The following TMEM44 variants were observed in gnomAD, a reference collection of about 807,000 sequenced individuals.
The protein encoded by TMEM44 is transmembrane protein 44.
TMEM44 carries 43 observed loss-of-function variants against 47.8 expected under a neutral mutation model. The ratio of observed to expected loss-of-function variants is 0.90; its 90% CI spans 0.70 to 1.16. The LOEUF is 1.16. Ranked by LOEUF, TMEM44 falls within the 50% of genes most tolerant of loss-of-function variation. TMEM44 has a pLI of 0.00. For synonymous variants in TMEM44, 277 were observed against 238.8 expected, an observed-to-expected ratio of 1.16 and a Z score of -1.48; for missense variants, 568 against 555.2, an observed-to-expected ratio of 1.02 and a Z score of -0.23.
chr3:194,593,354 G>A (rs147215524), intron 9 of TMEM44, among the ~76,000 whole-genome samples: 1 of 152,258 alleles, frequency 6.6e-6, no homozygotes, highest in African/African-American at 2.4e-5. Context: ...ATTACTATTA[G>A]TAGAAATTAT....
intron 9 of TMEM44, among the ~76,000 whole-genome samples, chr3:194,600,221 A>G (rs774491335): frequency 1.3e-5 from 2 of 152,166 alleles, no homozygotes; most frequent in African/African-American, 2.4e-5. Context: ...TCTCCCAAGT[A>G]GCTGGGACTA....
At chr3:194,600,089 ATTT>A (rs1713903095) in intron 9 of TMEM44, among the ~76,000 whole-genome samples, 1 of 149,906 alleles carries the variant, frequency 6.7e-6, no homozygotes, top group Admixed American at 6.7e-5. Context: ...CAAAACATTT[ATTT>A]TTGTTTTGTT....
chr3:194,594,137 A>ATCTGTCTGTCTGTCTGTCTGTCTGTCTG lies in TMEM44; in HGVS notation c.1177-5499_1177-5498insCAGACAGACAGACAGACAGACAGACAGA, dbSNP rs1157567717. On this transcript the variant is annotated intron_variant, in intron 9 of 9. Transcript: ENST00000347147. ...TAATTTTCTATCTATCTATCTATCTATCTATCTATCTATCTATCTATCTAT... is the reference window on the plus strand; with the variant it reads ...TAATTTTCTATCTATCTATCTATCTATCTGTCTGTCTGTCTGTCTGTCTGTCTGTCTATCTATCTATCTATCTATCTAT... 9.6e-5 allele frequency among the ~76,000 whole-genome samples: 14 copies of ATCTGTCTGTCTGTCTGTCTGTCTGTCTG among 145,852 alleles called. No homozygotes were observed. The East Asian group carries it at 1.2e-3, about 12-fold the overall frequency.
intron 9 of TMEM44, among the ~76,000 whole-genome samples, chr3:194,600,177 C>T (rs914763721): frequency 3.9e-5 from 6 of 152,204 alleles, no homozygotes; most frequent in Admixed American, 6.5e-5. Context: ...CTGCAACCTC[C>T]GCCTTCCGGG....
intron 5 of TMEM44, among the ~76,000 whole-genome samples, chr3:194,620,289 CAAAAA>C (rs752649203): frequency 1.8e-5 from 1 of 55,020 alleles, no homozygotes; most frequent in Admixed American, 2.0e-4. Context: ...AACTCCGACT[CAAAAA>C]AAAAAAAAAA....
intron 9 of TMEM44, among the ~76,000 whole-genome samples, chr3:194,595,179 C>A (rs914675290): frequency 6.6e-6 from 1 of 152,088 alleles, no homozygotes; most frequent in Non-Finnish European, 1.5e-5. Context: ...ATAATAAAAG[C>A]AAATGGCTTT....
At chr3:194,626,827 G>T (rs1035179956) in intron 2 of TMEM44, among the ~76,000 whole-genome samples, 1 of 151,858 alleles carries the variant, frequency 6.6e-6, no homozygotes, top group Non-Finnish European at 1.5e-5. Context: ...GGGACTTCAG[G>T]CGCCTGCCAC....
rs373869816 is a variant in TMEM44 at position 194,604,369 on chromosome 3, G to A, written c.1094C>T (p.Ser365Leu). The A allele has an allele frequency of 6.4e-6, 10 of 1,562,180 alleles. No homozygotes were observed. In the East Asian group the frequency reaches 7.2e-5, roughly 11 times the overall value. The part of the protein sequence containing the change: ...AGDASLQDPP[S>L]YPPVQVIRAR... ...CCGGATGACCTGAACGGGAGGGTACGACGGGGGGTCCTGCAGGGACGCATC... is the reference window on the plus strand; with the variant it reads ...CCGGATGACCTGAACGGGAGGGTACAACGGGGGGTCCTGCAGGGACGCATC... The change falls in exon 9 of 10, where the codon TCG becomes TTG. Residue 365 changes from serine (S) to leucine (L), a missense_variant. By Grantham distance (145) the Ser-to-Leu change is moderately radical (BLOSUM62 -2). Transcript: ENST00000347147.
chr3:194,629,251 A>G (rs1265314600), intron 1 of TMEM44, among the ~76,000 whole-genome samples: 5 of 152,204 alleles, frequency 3.3e-5, no homozygotes, highest in Non-Finnish European at 5.9e-5. Context: ...GTTTCTCTGA[A>G]ATAAATTCAA....
chr3:194,595,630 T>A (rs140488229), intron 9 of TMEM44, among the ~76,000 whole-genome samples: 58,937 of 130,712 alleles, frequency 0.45, 12,017 homozygotes, highest in Non-Finnish European at 0.49. Flanking sequence ...TTCTCTATTT[T>A]TTTTTTTTTT....
chr3:194,597,948 T>G (rs936968375), intron 9 of TMEM44, among the ~76,000 whole-genome samples: 3 of 152,224 alleles, frequency 2.0e-5, no homozygotes, highest in African/African-American at 7.2e-5. Context: ...CACGGGACTC[T>G]GAGCTCAGGA....
chr3:194,623,085 C>T lies in TMEM44; in HGVS notation c.612+139G>A, dbSNP rs558490402. The T allele has an allele frequency of 9.8e-4, 774 of 793,354 alleles. 10 individuals carry two copies. In the South Asian group the frequency reaches 0.014, roughly 14 times the overall value. The allele number at this position is 793,354 out of a possible 1,614,324, so 49.1% of individuals were successfully genotyped here. On this transcript the variant is annotated intron_variant, in intron 5 of 9. Coordinates refer to ENST00000347147, the MANE Select transcript of TMEM44 (RefSeq NM_001011655.3). ...CCCTCCTTGCTGTCATACACACTAACGCTCTTCAGGAAAAGCTGAGCCCAT... is the reference window on the plus strand; with the variant it reads ...CCCTCCTTGCTGTCATACACACTAATGCTCTTCAGGAAAAGCTGAGCCCAT...
chr3:194,593,670 CTA>C (rs1250683237), intron 9 of TMEM44, among the ~76,000 whole-genome samples: 3 of 152,136 alleles, frequency 2.0e-5, no homozygotes, highest in Non-Finnish European at 4.4e-5. Context: ...AGCTAAGAAT[CTA>C]TGAATATCTG....
chr3:194,626,991 G>A (rs1031537518), intron 2 of TMEM44, among the ~76,000 whole-genome samples: 16 of 150,332 alleles, frequency 1.1e-4, no homozygotes, highest in Admixed American at 4.0e-4. Context: ...GCACGATCTC[G>A]GCTTACTGCA....
intron 5 of TMEM44, chr3:194,617,616 G>A: frequency 1.4e-6 from 1 of 702,596 alleles, no homozygotes; most frequent in South Asian, 1.5e-5. Flanking sequence ...AGCTCCTGAG[G>A]GCTGGGCAGG....
chr3:194,594,416 G>C (rs1436110751), intron 9 of TMEM44, among the ~76,000 whole-genome samples: 1 of 151,994 alleles, frequency 6.6e-6, no homozygotes, highest in African/African-American at 2.4e-5. Flanking sequence ...GCTTGCCTCA[G>C]CCTCCCAAAG....
At chr3:194,598,349 TA>T (rs1713667015) in intron 9 of TMEM44, among the ~76,000 whole-genome samples, 1 of 152,130 alleles carries the variant, frequency 6.6e-6, no homozygotes, top group Non-Finnish European at 1.5e-5. Context: ...TTCTCGTCTG[TA>T]AAATGGGAAT....
Position 194,604,393 on chromosome 3 carries a change from T to C in TMEM44, c.1070A>G (p.Asp357Gly), listed in dbSNP as rs746689416. The change falls in exon 9 of 10, where the codon GAT (aspartate) becomes GGT (glycine). Residue 357 changes from aspartate to glycine, a missense_variant. Transcript: ENST00000347147. ...CGACGGGGGGTCCTGCAGGGACGCA[T>C]CTCCGGCGCTCGTCTGCCCGTCACC... The part of the protein sequence containing the change: ...LPGDGQTSAG[D>G]ASLQDPPSYP... 3.2e-6 allele frequency: 5 copies of C among 1,544,238 alleles called. No homozygotes were observed. The highest frequency in any genetic ancestry group is 4.4e-6 in the Non-Finnish European group (5 of 1,141,834).
intron 9 of TMEM44, among the ~76,000 whole-genome samples, chr3:194,599,140 C>T (rs776896105): frequency 2.3e-4 from 35 of 152,296 alleles, no homozygotes; most frequent in Admixed American, 3.9e-4. Context: ...GAAGTGAGGA[C>T]GTAAGGCCCT....
Sources: gnomAD v4.1 joint callset for allele counts (sites outside exome capture counted in the v4.1 genomes callset) on GRCh38, gnomAD v4.1.1 for gene constraint, MANE v1.5 for transcripts, NCBI Gene and HGNC (gene_info 2026-07-23, HGNC 2026-07-21) for gene names.